Variants in ITGB3 observed in about 807,000 individuals in gnomAD.
ITGB3 encodes the protein integrin subunit beta 3.
ITGB3 carries 48 observed loss-of-function variants against 85.8 expected under a neutral mutation model. That is an observed-to-expected ratio of 0.56 (90% CI 0.44 to 0.71). The LOEUF (loss-of-function observed/expected upper bound fraction) is 0.71. Among genes scored for constraint, ITGB3 ranks in the 30% least tolerant of loss-of-function variants. ITGB3 has a pLI of 0.00. For missense variants in ITGB3, 861 were observed against 1,019.1 expected (o/e 0.84, Z 2.11); for synonymous variants, 363 against 395.6 (o/e 0.92, Z 0.98).
At position 47,289,735 on chromosome 17, in the gene ITGB3, T is replaced by G. The variant is rs2065117935; in HGVS notation, c.994T>G (p.Leu332Val). 7 of 1,614,012 alleles carry G rather than the reference T, an allele frequency of 4.3e-6. No homozygotes were observed. In the Admixed American group the frequency reaches 1.2e-4, roughly 27 times the overall value. ...TEKLSQKNIN[L>V]IFAVTENVVN... ...GAAGCTATCCCAGAAAAACATCAAT[T>G]TGATCTTTGCAGTGACTGAAAATGT... The change falls in exon 7 of 15, where the codon TTG becomes GTG. Residue 332 changes from leucine (L) to valine (V), a missense_variant. Coordinates refer to ENST00000559488, the MANE Select transcript of ITGB3 (RefSeq NM_000212.3).
Position 47,289,375 on chromosome 17 carries a change from G to C in ITGB3, c.940-306G>C, listed in dbSNP as rs1408634564. Among the ~76,000 whole-genome samples, 5 of 151,976 alleles carry C rather than the reference G, an allele frequency of 3.3e-5. No individual in the cohort carries two copies. The East Asian group carries it at 9.7e-4, about 29-fold the overall frequency. Reference sequence around the variant, plus strand: ...GAGTCTTGCTCTGCTGCCCAGGCTGGAGTGCAGTGGTGCAATCATAGCTCA... The same window carrying C: ...GAGTCTTGCTCTGCTGCCCAGGCTGCAGTGCAGTGGTGCAATCATAGCTCA... On this transcript the variant is annotated intron_variant, in intron 6 of 14. Coordinates refer to ENST00000559488, the MANE Select transcript of ITGB3 (RefSeq NM_000212.3).
intron 3 of ITGB3, among the ~76,000 whole-genome samples, chr17:47,283,766 A>G (rs1030094328): frequency 6.6e-6 from 1 of 152,228 alleles, no homozygotes; most frequent in Non-Finnish European, 1.5e-5. Flanking sequence ...TGTATCATAT[A>G]TTAGCTATTT....
intron 9 of ITGB3, 89 bp from the exon 10 acceptor site, chr17:47,292,050 C>G: frequency 7.3e-7 from 1 of 1,369,692 alleles, no homozygotes; most frequent in Non-Finnish European, 1.0e-6. Flanking sequence ...TATTCCTTGG[C>G]AGGGCAGGGA....
intron 1 of ITGB3, among the ~76,000 whole-genome samples, chr17:47,264,413 T>C (rs750766294): frequency 6.6e-6 from 1 of 152,218 alleles, no homozygotes; most frequent in Non-Finnish European, 1.5e-5. Flanking sequence ...TCCGCTACTG[T>C]CCAAATCCAC....
chr17:47,265,370 A>G (rs1181311857), intron 1 of ITGB3, among the ~76,000 whole-genome samples: 1 of 152,214 alleles, frequency 6.6e-6, no homozygotes, highest in African/African-American at 2.4e-5. Flanking sequence ...GAAGCTAGAA[A>G]TCTGAAATTA....
intron 10 of ITGB3, among the ~76,000 whole-genome samples, chr17:47,297,588 G>A (rs1469563578): frequency 6.6e-6 from 1 of 151,988 alleles, no homozygotes; most frequent in Non-Finnish European, 1.5e-5. Context: ...CACGGGAGGT[G>A]GGGGTTTACA....
intron 2 of ITGB3, among the ~76,000 whole-genome samples, chr17:47,277,128 C>G (rs945828382): frequency 2.0e-5 from 3 of 152,068 alleles, no homozygotes; most frequent in African/African-American, 7.3e-5. Context: ...GATACCGACG[C>G]GGGTTGGGTT....
chr17:47,298,572 GCT>G (rs2065154494), intron 10 of ITGB3, among the ~76,000 whole-genome samples: 2 of 152,084 alleles, frequency 1.3e-5, no homozygotes, highest in Non-Finnish European at 2.9e-5. Context: ...CTTTCCCTAT[GCT>G]ACAATTTTCC....
chr17:47,256,362 G>T (rs543993077), intron 1 of ITGB3, among the ~76,000 whole-genome samples: 1 of 152,100 alleles, frequency 6.6e-6, no homozygotes, highest in Admixed American at 6.5e-5. Context: ...TGATTGGGGC[G>T]ATTCCAGAAG....
At chr17:47,289,032 G>T (rs1232182358) in intron 6 of ITGB3, among the ~76,000 whole-genome samples, 1 of 152,126 alleles carries the variant, frequency 6.6e-6, no homozygotes, top group Non-Finnish European at 1.5e-5. Flanking sequence ...GGAGACAGTG[G>T]GCCAGATCAC....
chr17:47,286,120 G>A, intron 4 of ITGB3, 140 bp from the exon 5 acceptor site: 1 of 946,592 alleles, frequency 1.1e-6, no homozygotes. Flanking sequence ...TTTGGAGTCT[G>A]AACTGTCTGG....
At chr17:47,290,319 A>C (rs2065120062) in intron 8 of ITGB3, 45 bp downstream of exon 8, 1 of 1,518,694 alleles carries the variant, frequency 6.6e-7, no homozygotes, top group Admixed American at 1.7e-5. Flanking sequence ...AGTCCACCTC[A>C]TTTGGCTTAC....
intron 14 of ITGB3, 39 bp downstream of exon 14, chr17:47,307,676 C>G (rs371631626): frequency 1.3e-6 from 2 of 1,595,486 alleles, no homozygotes; most frequent in Non-Finnish European, 1.7e-6. Flanking sequence ...AGTCATTGGT[C>G]TGAGACTCTT....
At chr17:47,284,399 T>C (rs1177423401) in intron 3 of ITGB3, 44 bp from the exon 4 acceptor site, 1 of 1,612,500 alleles carries the variant, frequency 6.2e-7, no homozygotes. Flanking sequence ...TATTCAATCT[T>C]GGTGGGAGAA....
intron 1 of ITGB3, among the ~76,000 whole-genome samples, chr17:47,264,341 A>G (rs1011723381): frequency 6.6e-6 from 1 of 152,200 alleles, no homozygotes; most frequent in Non-Finnish European, 1.5e-5. Flanking sequence ...CTCATGCCCC[A>G]TGAGCCATCC....
rs1181981070 is a variant in ITGB3 at position 47,313,236 on chromosome 17, A to G, written c.*3032A>G. Among the ~76,000 whole-genome samples, 1 of 152,014 alleles carries G rather than the reference A, an allele frequency of 6.6e-6. No individual in the cohort carries two copies. Among genetic ancestry groups the G allele is most frequent in the East Asian group, 1.9e-4 (1 of 5,184 alleles). ...CGATCCACCTTCCTCGGCCTCCCAC[A>G]GTGCTGGGATTACAAGTGTGAAGCA... On this transcript the variant is annotated 3_prime_UTR_variant, in exon 15 of 15. Transcript: ENST00000559488.
rs1040764612 is a variant in ITGB3, at chr17:47,311,977, GACTT to G, written c.*1777_*1780del. Among the ~76,000 whole-genome samples the G allele has an allele frequency of 5.9e-5, 9 of 152,168 alleles. No homozygotes were observed. Among genetic ancestry groups the G allele is most frequent in the African/African-American group, 1.9e-4 (8 of 41,438 alleles). ...CAGTATCAACATTCTAAGATGCTGGGACTTACTGTGTCATCAAATGTGCGGTTAA... is the reference window on the plus strand; with the variant it reads ...CAGTATCAACATTCTAAGATGCTGGGACTGTGTCATCAAATGTGCGGTTAA... On this transcript the variant is annotated 3_prime_UTR_variant, in exon 15 of 15. Coordinates refer to ENST00000559488, the MANE Select transcript of ITGB3 (RefSeq NM_000212.3).
intron 3 of ITGB3, 129 bp downstream of exon 3, chr17:47,283,678 G>T: frequency 2.4e-6 from 2 of 847,112 alleles, no homozygotes; most frequent in Non-Finnish European, 3.9e-6. Flanking sequence ...AAGGATGAGG[G>T]GGGAGGTGTG....
At position 47,292,520 on chromosome 17, in the gene ITGB3, G is replaced by A. The variant is rs1241947599; in HGVS notation, c.1642G>A (p.Glu548Lys). The change falls in exon 10 of 15, where the codon GAG becomes AAG. Residue 548 changes from glutamate (E) to lysine (K), a missense_variant. Physicochemically the swap from Glu to Lys is moderately conservative, Grantham distance 56. Transcript: ENST00000559488. ...TGGCAAGATCACGGGCAAGTACTGC[G>A]AGTGTGACGACTTCTCCTGTGTCCG... Reference protein sequence around the residue: ...DFGKITGKYCECDDFSCVRYK... With the variant: ...DFGKITGKYCKCDDFSCVRYK... 5.6e-6 allele frequency: 9 copies of A among 1,604,984 alleles called. No homozygotes were observed. Among genetic ancestry groups the A allele is most frequent in the Non-Finnish European group, 7.6e-6 (9 of 1,179,898 alleles).
Sources: gnomAD v4.1 joint callset for allele counts (sites outside exome capture counted in the v4.1 genomes callset) on GRCh38, gnomAD v4.1.1 for gene constraint, MANE v1.5 for transcripts, NCBI Gene and HGNC (gene_info 2026-07-23, HGNC 2026-07-21) for gene names.